CADPS2: variants seen among roughly 807,000 people sequenced by gnomAD.
CADPS2 encodes calcium-dependent secretion activator 2.
CADPS2 carries 93 observed loss-of-function variants against 172.5 expected under a neutral mutation model. The ratio of observed to expected loss-of-function variants is 0.54; its 90% CI spans 0.46 to 0.64. CADPS2 has a LOEUF of 0.64. Ranked by LOEUF, CADPS2 falls within the 30% of genes least tolerant of loss-of-function variation. The pLI is 0.00. For synonymous variants in CADPS2, 546 were observed against 555.2 expected (o/e 0.98, Z 0.23); for missense variants, 1,420 against 1,565.9 (o/e 0.91, Z 1.57).
chr7:122,435,229 G>A (rs2050480114), intron 17 of CADPS2, among the ~76,000 whole-genome samples: 1 of 152,054 alleles, frequency 6.6e-6, no homozygotes, highest in African/African-American at 2.4e-5. Context: ...GTACAGAATG[G>A]GAGAAAATAT....
intron 8 of CADPS2, among the ~76,000 whole-genome samples, chr7:122,524,983 T>C (rs1421736267): frequency 1.3e-5 from 2 of 151,950 alleles, no homozygotes; most frequent in African/African-American, 4.8e-5. Flanking sequence ...ACCCCATCTC[T>C]ACAAGAAACA....
chr7:122,378,301 T>A (rs1016758031), intron 25 of CADPS2, among the ~76,000 whole-genome samples: 3 of 152,166 alleles, frequency 2.0e-5, no homozygotes, highest in Admixed American at 2.0e-4. Flanking sequence ...AAGGTATTAA[T>A]GTACTTGATG....
At chr7:122,487,915 C>T (rs2057981228) in intron 11 of CADPS2, among the ~76,000 whole-genome samples, 1 of 152,068 alleles carries the variant, frequency 6.6e-6, no homozygotes, top group Non-Finnish European at 1.5e-5. Context: ...ATTTTAAAAA[C>T]ATAGAGATGA....
chr7:122,826,515 G>A (rs538369898), intron 1 of CADPS2, among the ~76,000 whole-genome samples: 1 of 151,870 alleles, frequency 6.6e-6, no homozygotes, highest in Non-Finnish European at 1.5e-5. Context: ...AGATTTTAAG[G>A]TGGCCATAAT....
Position 122,471,505 on chromosome 7 carries a change from C to A in CADPS2, c.2056G>T (p.Val686Leu). The change falls in exon 14 of 30, where the codon GTG (valine) becomes TTG (leucine). Residue 686 changes from valine (V) to leucine (L), a missense_variant. By Grantham distance (32) the Val-to-Leu change is conservative. Transcript: ENST00000449022. ...CAGAGATGTCTGTGACAGCCTCTCA[C>A]ACCATAACGGGCACAGTACTCATCT... ...VLDEYCARYGVRGCHRHLCYL... is the reference protein window; with the variant it reads ...VLDEYCARYGLRGCHRHLCYL... 1 of 1,612,096 alleles carries A rather than the reference C, an allele frequency of 6.2e-7. No homozygotes were observed. Among genetic ancestry groups the A allele is most frequent in the Non-Finnish European group, 8.5e-7 (1 of 1,179,022 alleles).
chr7:122,505,193 CCTG>C (rs1315616694), intron 9 of CADPS2, among the ~76,000 whole-genome samples: 1 of 152,074 alleles, frequency 6.6e-6, no homozygotes, highest in African/African-American at 2.4e-5. Context: ...CAAAAATTTA[CCTG>C]CTATTTAAGA....
At chr7:122,668,567 C>CG (rs2081435362) in intron 2 of CADPS2, among the ~76,000 whole-genome samples, 1 of 152,012 alleles carries the variant, frequency 6.6e-6, no homozygotes, top group Admixed American at 6.6e-5. Flanking sequence ...AGAGAGGAGA[C>CG]GGTTTCAGAA....
chr7:122,647,221 T>A (rs1274791180), intron 3 of CADPS2, among the ~76,000 whole-genome samples: 24 of 152,112 alleles, frequency 1.6e-4, no homozygotes, highest in Admixed American at 1.6e-3. Context: ...TACAGTTTTT[T>A]TTTCCAGTGG....
At chr7:122,451,578 T>G (rs757728235) in intron 14 of CADPS2, 103 bp from the exon 15 acceptor site, 39 of 594,696 alleles carry the variant, frequency 6.6e-5, no homozygotes, top group Non-Finnish European at 1.1e-4. Context: ...GTTCACTGTA[T>G]ACATATTAAT....
chr7:122,448,908 C>T (rs531100322), intron 15 of CADPS2, among the ~76,000 whole-genome samples: 2 of 151,774 alleles, frequency 1.3e-5, no homozygotes, highest in South Asian at 2.1e-4. Flanking sequence ...GTAGGCTTAA[C>T]GGCTAAGGTG....
intron 2 of CADPS2, among the ~76,000 whole-genome samples, chr7:122,723,792 T>C (rs1167079533): frequency 6.6e-6 from 1 of 152,122 alleles, no homozygotes; most frequent in Non-Finnish European, 1.5e-5. Flanking sequence ...TGTCCATCAA[T>C]GATAGACTGG....
chr7:122,787,320 T>C (rs1794278263), intron 1 of CADPS2, among the ~76,000 whole-genome samples: 1 of 152,234 alleles, frequency 6.6e-6, no homozygotes, highest in South Asian at 2.1e-4. Flanking sequence ...TGCATATATA[T>C]GTATTCCTTG....
chr7:122,605,519 A>G (rs925734535), intron 6 of CADPS2, among the ~76,000 whole-genome samples: 3 of 152,114 alleles, frequency 2.0e-5, no homozygotes, highest in African/African-American at 4.8e-5. Flanking sequence ...GAAATTTACA[A>G]TATTTCTTTT....
intron 8 of CADPS2, among the ~76,000 whole-genome samples, chr7:122,542,657 C>G (rs1303173659): frequency 6.6e-6 from 1 of 152,042 alleles, no homozygotes; most frequent in African/African-American, 2.4e-5. Flanking sequence ...TATTGTAGCT[C>G]TCTGATTCAT....
chr7:122,583,852 A>G (rs1433629717), intron 6 of CADPS2, among the ~76,000 whole-genome samples: 1 of 151,214 alleles, frequency 6.6e-6, no homozygotes, highest in Non-Finnish European at 1.5e-5. Flanking sequence ...ACATCACATC[A>G]TATACATATG....
intron 5 of CADPS2, among the ~76,000 whole-genome samples, chr7:122,617,640 A>T (rs1039088866): frequency 3.9e-5 from 6 of 151,986 alleles, no homozygotes; most frequent in Admixed American, 6.6e-5. Flanking sequence ...TGTAGTTTAT[A>T]AAAAAAATGA....
chr7:122,885,520 AGT>A (rs1824106408), intron 1 of CADPS2, among the ~76,000 whole-genome samples: 1 of 152,088 alleles, frequency 6.6e-6, no homozygotes, highest in Admixed American at 6.5e-5. Context: ...ACCCCTCTTA[AGT>A]GAAGACTTCA....
At chr7:122,571,793 T>G (rs2067293692) in intron 7 of CADPS2, among the ~76,000 whole-genome samples, 1 of 152,192 alleles carries the variant, frequency 6.6e-6, no homozygotes, top group South Asian at 2.1e-4. Flanking sequence ...AGCCAATACA[T>G]GTAACTGGAC....
chr7:122,476,996 G>GGGAGGGGAGAGGAGA (rs2056696807), intron 12 of CADPS2, among the ~76,000 whole-genome samples: 1 of 48,016 alleles, frequency 2.1e-5, no homozygotes, highest in East Asian at 6.4e-4. Context: ...GGGAGGGGAG[G>GGGAGGGGAGAGGAGA]GGAGAGGAGA....
Sources: gnomAD v4.1 joint callset for allele counts (sites outside exome capture counted in the v4.1 genomes callset) on GRCh38, gnomAD v4.1.1 for gene constraint, MANE v1.5 for transcripts, NCBI Gene and HGNC (gene_info 2026-07-23, HGNC 2026-07-21) for gene names.